The following VAX1 variants were observed in gnomAD, a reference collection of about 807,000 sequenced individuals.
The protein encoded by VAX1 is ventral anterior homeobox 1.
VAX1 carries 6 observed loss-of-function variants against 17.6 expected under a neutral mutation model. The observed-to-expected ratio is 0.34, with a 90% confidence interval of 0.19 to 0.67. The LOEUF (loss-of-function observed/expected upper bound fraction) is 0.67, where lower values mean the gene tolerates loss of function less well. Ranked by LOEUF, VAX1 falls within the 30% of genes least tolerant of loss-of-function variation. The pLI is 0.69. For synonymous variants in VAX1, 256 were observed against 227.4 expected, an observed-to-expected ratio of 1.13 and a Z score of -1.13; for missense variants, 408 against 463.7, an observed-to-expected ratio of 0.88 and a Z score of 1.10.
rs1452216442 is a variant in VAX1, at chr10:117,136,718, C to T, written c.242-59G>A. 1.3e-5 allele frequency: 20 copies of T among 1,553,460 alleles called. No homozygotes were observed. In the Admixed American group the frequency reaches 2.5e-4, roughly 19 times the overall value. On this transcript the variant is annotated intron_variant, in intron 1 of 2. Transcript: ENST00000369206. The surrounding 1 kb of genome is among the most constrained non-coding windows in gnomAD (Gnocchi z 5.0). The stretch of plus-strand genomic sequence containing the variant: ...TCCCGTCCCCCTCCACCTCCTTGGC[C>T]CGAGCTGGATTTGGGGACACAGTCC...
Position 117,133,637 on chromosome 10 carries a change from C to T in VAX1, c.*371G>A, listed in dbSNP as rs1414800104. On this transcript the variant is annotated 3_prime_UTR_variant, in exon 3 of 3. Coordinates refer to ENST00000369206, the MANE Select transcript of VAX1 (RefSeq NM_001112704.2). ...AGGAATAGTCGGCAGCGGCAGCAGC[C>T]GCAGCAGCCGCGGATCTAGAGCAAA... 4.0e-6 allele frequency: 4 copies of T among 998,404 alleles called. No homozygotes were observed. The highest frequency in any genetic ancestry group is 4.8e-6 in the Non-Finnish European group (4 of 839,148). The allele number at this position is 998,404 out of a possible 1,614,324, so 61.8% of individuals were successfully genotyped here.
Position 117,137,678 on chromosome 10 carries a change from C to T in VAX1, c.241+138G>A, listed in dbSNP as rs1223630287. On this transcript the variant is annotated intron_variant, in intron 1 of 2. Transcript: ENST00000369206. The surrounding 1 kb of genome is among the most constrained non-coding windows in gnomAD (Gnocchi z 7.4). ...CCAGGCGCTTGTCCCCAGCCGGACT[C>T]GGGGCGGGGAGGGCCAACAACTTTC... 9 of 1,542,956 alleles carry T rather than the reference C, an allele frequency of 5.8e-6. No homozygotes were observed. The highest frequency in any genetic ancestry group is 6.9e-6 in the Non-Finnish European group (8 of 1,155,580).
In VAX1 at chr10:117,138,238, C is replaced by A. The variant is rs1004397582; in HGVS notation, c.-182G>T. The A allele has an allele frequency of 2.0e-5, 15 of 750,932 alleles. No individual in the cohort carries two copies. In the Admixed American group the frequency reaches 3.0e-4, roughly 15 times the overall value. 46.5% of individuals were successfully genotyped at this position (750,932 alleles called of 1,614,324 possible). A position where few individuals can be genotyped will look rare whatever the true frequency, so the allele number is the denominator to read the frequency against. Reference sequence around the variant, plus strand: ...GAATGTCCCCGCGGGGAGGCTTCGGCGGCCGCGCGCGGGTCAGCGGCGACG... The same window carrying A: ...GAATGTCCCCGCGGGGAGGCTTCGGAGGCCGCGCGCGGGTCAGCGGCGACG... On this transcript the variant is annotated 5_prime_UTR_variant, in exon 1 of 3. Coordinates refer to ENST00000369206, the MANE Select transcript of VAX1 (RefSeq NM_001112704.2).
Position 117,134,241 on chromosome 10 carries a change from G to A in VAX1, c.772C>T (p.Pro258Ser). Residue 258 changes from proline to serine, a missense_variant, in exon 3 of 3, where the codon CCG becomes TCG. Pro to Ser is a moderately conservative substitution (Grantham distance 74). Transcript: ENST00000369206. The surrounding 1 kb of genome is among the most constrained non-coding windows in gnomAD (Gnocchi z 6.2). ...GGGGCGCCTGCGTGCAATCCCCCCG[G>A]CCCGGCGGGCCCGGGACCTGGAGCA... ...GGAPGPGPAGPGGLHAGAPAA... is the reference protein window; with the variant it reads ...GGAPGPGPAGSGGLHAGAPAA... 1.4e-6 allele frequency: 2 copies of A among 1,395,742 alleles called. No individual in the cohort carries two copies. The highest frequency in any genetic ancestry group is 3.1e-5 in the African/African-American group (2 of 64,932). The allele number at this position is 1,395,742 out of a possible 1,614,324, so 86.5% of individuals were successfully genotyped here.
chr10:117,132,490 A>G, downstream of VAX1: 4 of 1,593,748 alleles, frequency 2.5e-6, no homozygotes, highest in East Asian at 6.7e-5. The surrounding 1 kb of genome is among the most constrained non-coding windows in gnomAD (Gnocchi z 4.9). Flanking sequence ...AGAAAAAAAA[A>G]AAAGATGAAA....
chr10:117,132,083 T>A, downstream of VAX1: 1 of 957,320 alleles, frequency 1.0e-6, no homozygotes, highest in South Asian at 1.7e-5. The surrounding 1 kb of genome is among the most constrained non-coding windows in gnomAD (Gnocchi z 4.9). Context: ...GATAGAGAAA[T>A]CGAGAGCGAA....
At position 117,134,281 on chromosome 10, in the gene VAX1, C is replaced by G; in HGVS notation, c.732G>C (p.Pro244=). ...GACCTGGAGCACCGCCCACAGCCGG[C>G]GGGTGCGGGGATGCAGCGCCCGCTG... ...PGPAGAASPH[P]PAVGGAPGPG... The change falls in exon 3 of 3, where the codon CCG becomes CCC. Residue 244 remains proline (P), a synonymous_variant. Transcript: ENST00000369206. The surrounding 1 kb of genome is among the most constrained non-coding windows in gnomAD (Gnocchi z 6.2). 8.0e-7 allele frequency: 1 copy of G among 1,251,550 alleles called. No homozygotes were observed. The highest frequency in any genetic ancestry group is 1.0e-6 in the Non-Finnish European group (1 of 1,001,982). 77.5% of individuals were successfully genotyped at this position (1,251,550 alleles called of 1,614,324 possible). A position where few individuals can be genotyped will look rare whatever the true frequency, so the allele number is the denominator to read the frequency against.
At position 117,133,687 on chromosome 10, in the gene VAX1, C is replaced by A. The variant is rs552916079; in HGVS notation, c.*321G>T. On this transcript the variant is annotated 3_prime_UTR_variant, in exon 3 of 3. Coordinates refer to ENST00000369206, the MANE Select transcript of VAX1 (RefSeq NM_001112704.2). ...ACGTCCTGTGCTTTGGAGTTAGAAC[C>A]AGTCTTTTCCCTCCTGGGCTGGGCA... 148 of 1,074,352 alleles carry A rather than the reference C, an allele frequency of 1.4e-4. No individual in the cohort carries two copies. The African/African-American group carries it at 2.4e-3, about 17-fold the overall frequency. 66.6% of individuals were successfully genotyped at this position (1,074,352 alleles called of 1,614,324 possible).
rs909956505 is a variant in VAX1, at chr10:117,136,415, A to G, written c.429+57T>C. 10 of 1,599,804 alleles carry G rather than the reference A, an allele frequency of 6.3e-6. No homozygotes were observed. The highest frequency in any genetic ancestry group is 5.0e-5 in the Admixed American group (3 of 59,408). ...TTAGGAGGTGAAGAGCAGGCTAGGT[A>G]GGGGTGGTGGGGAGGAAGGCTGGTG... is the stretch of plus-strand genomic sequence containing the variant. On this transcript the variant is annotated intron_variant, in intron 2 of 2. Transcript: ENST00000369206. This position sits in a 1 kb window ranked among gnomAD's most constrained non-coding sequence, Gnocchi z 5.0.
In VAX1 at chr10:117,136,073, G is replaced by A. The variant is rs1047615999; in HGVS notation, c.429+399C>T. 6.6e-6 allele frequency among the ~76,000 whole-genome samples: 1 copy of A among 152,268 alleles called. No homozygotes were observed. The highest frequency in any genetic ancestry group is 2.4e-5 in the African/African-American group (1 of 41,472). ...GGGCCTGGACGCTGAGTACAGCTGG[G>A]TGGGCCCACAAGGGGTGGGGCCTAG... On this transcript the variant is annotated intron_variant, in intron 2 of 2. Coordinates refer to ENST00000369206, the MANE Select transcript of VAX1 (RefSeq NM_001112704.2). This position sits in a 1 kb window ranked among gnomAD's most constrained non-coding sequence, Gnocchi z 5.0.
chr10:117,136,461 T>A lies in VAX1; in HGVS notation c.429+11A>T. ...TGGTGCAGAACTGTGTGCGGCCTGGTCGCCGGGTACCTGGGTCTCGGAGAG... is the reference window on the plus strand; with the variant it reads ...TGGTGCAGAACTGTGTGCGGCCTGGACGCCGGGTACCTGGGTCTCGGAGAG... On this transcript the variant is annotated intron_variant, in intron 2 of 2. Coordinates refer to ENST00000369206, the MANE Select transcript of VAX1 (RefSeq NM_001112704.2). The surrounding 1 kb of genome is among the most constrained non-coding windows in gnomAD (Gnocchi z 5.0). 1 of 1,611,958 alleles carries A rather than the reference T, an allele frequency of 6.2e-7. No homozygotes were observed. The highest frequency in any genetic ancestry group is 8.5e-7 in the Non-Finnish European group (1 of 1,179,804).
chr10:117,134,585 T>G lies in VAX1; in HGVS notation c.430-2A>C. The G allele has an allele frequency of 6.6e-7, 1 of 1,518,594 alleles. No homozygotes were observed. Among genetic ancestry groups the G allele is most frequent in the Non-Finnish European group, 8.8e-7 (1 of 1,134,712 alleles). 94.1% of individuals were successfully genotyped at this position (1,518,594 alleles called of 1,614,324 possible). A position where few individuals can be genotyped will look rare whatever the true frequency, so the allele number is the denominator to read the frequency against. On this transcript the variant is annotated splice_acceptor_variant, in intron 2 of 2. Coordinates refer to ENST00000369206, the MANE Select transcript of VAX1 (RefSeq NM_001112704.2). LOFTEE classifies it high-confidence loss of function. The surrounding 1 kb of genome is among the most constrained non-coding windows in gnomAD (Gnocchi z 6.2). ...CCGGTTCTGGAACCAGACCTTCACC[T>G]GCGCGCCGGGGTGCGGGGAGAGTTG...
rs1481022961 is a variant in VAX1 at position 117,134,840 on chromosome 10, A to G, written c.430-257T>C. Reference sequence around the variant, plus strand: ...GCCCAGGCAGGCGCCGCTTACACAGAACAAAGTAATAAAATGCCCACGGCA... The same window carrying G: ...GCCCAGGCAGGCGCCGCTTACACAGGACAAAGTAATAAAATGCCCACGGCA... On this transcript the variant is annotated intron_variant, in intron 2 of 2. Coordinates refer to ENST00000369206, the MANE Select transcript of VAX1 (RefSeq NM_001112704.2). This position sits in a 1 kb window ranked among gnomAD's most constrained non-coding sequence, Gnocchi z 6.2. Among the ~76,000 whole-genome samples the G allele has an allele frequency of 2.6e-5, 4 of 152,114 alleles. No individual in the cohort carries two copies. The highest frequency in any genetic ancestry group is 4.8e-5 in the African/African-American group (2 of 41,454).
Position 117,134,592 on chromosome 10 carries a change from C to A in VAX1, c.430-9G>T, listed in dbSNP as rs1422491614. The A allele has an allele frequency of 4.0e-6, 6 of 1,514,536 alleles. No individual in the cohort carries two copies. The highest frequency in any genetic ancestry group is 5.3e-6 in the Non-Finnish European group (6 of 1,133,198). The allele number at this position is 1,514,536 out of a possible 1,614,324, so 93.8% of individuals were successfully genotyped here. On this transcript the variant is annotated splice_polypyrimidine_tract_variant and intron_variant, in intron 2 of 2. Coordinates refer to ENST00000369206, the MANE Select transcript of VAX1 (RefSeq NM_001112704.2). The surrounding 1 kb of genome is among the most constrained non-coding windows in gnomAD (Gnocchi z 6.2). ...TGGAACCAGACCTTCACCTGCGCGC[C>A]GGGGTGCGGGGAGAGTTGGAGAGAG...
downstream of VAX1, chr10:117,130,743 A>C (rs1854074243): frequency 6.6e-6 from 1 of 152,244 alleles, no homozygotes; most frequent in Non-Finnish European, 1.5e-5. Flanking sequence ...TTCTTTTTCT[A>C]TGCAGAAGAG....
downstream of VAX1, chr10:117,131,911 T>A: frequency 2.6e-6 from 1 of 378,936 alleles, no homozygotes; most frequent in Admixed American, 4.3e-5. Flanking sequence ...TTGCACAAAA[T>A]CCAAAATGCT....
downstream of VAX1, chr10:117,129,402 T>C (rs1203530873): frequency 1.3e-5 from 2 of 152,670 alleles, no homozygotes; most frequent in African/African-American, 2.4e-5. Flanking sequence ...TTTTTAAGTT[T>C]TGATCAGCCA....
At chr10:117,129,647 G>GGTGTGTGTGTGTGTGTGTGTGTGTGT (rs60617895), downstream of VAX1, 1 of 146,468 alleles carries the variant, frequency 6.8e-6, no homozygotes, top group East Asian at 2.0e-4. Context: ...TTCAAGAAGG[G>GGTGTGTGTGTGTGTGTGTGTGTGTGT]GTGTGTGTGT....
At position 117,138,192 on chromosome 10, in the gene VAX1, C is replaced by T. The variant is rs1854226243; in HGVS notation, c.-136G>A. 1.8e-6 allele frequency: 2 copies of T among 1,091,704 alleles called. No individual in the cohort carries two copies. The highest frequency in any genetic ancestry group is 2.6e-6 in the Non-Finnish European group (2 of 770,688). 67.6% of individuals were successfully genotyped at this position (1,091,704 alleles called of 1,614,324 possible). On this transcript the variant is annotated 5_prime_UTR_variant, in exon 1 of 3. Transcript: ENST00000369206. ...AACGCGGCCCGTACGCCCGGCCCGG[C>T]GACAGGCAAGGGGCAAGAATGAATG...
Sources: allele counts gnomAD v4.1 joint callset (sites outside exome capture counted in the v4.1 genomes callset), GRCh38; gene constraint gnomAD v4.1.1; non-coding constraint Gnocchi (gnomAD v3.1); transcripts MANE v1.5; gene names NCBI Gene and HGNC (gene_info 2026-07-23, HGNC 2026-07-21).